The following FNDC8 variants were observed in gnomAD, a reference collection of about 807,000 sequenced individuals.
FNDC8 encodes the protein fibronectin type III domain-containing protein 8.
In FNDC8, 23 loss-of-function variants were observed where a neutral mutation model predicts 24.8. The ratio of observed to expected loss-of-function variants is 0.93; its 90% CI spans 0.67 to 1.31. FNDC8 has a LOEUF of 1.31. Ranked by LOEUF, FNDC8 falls within the 40% of genes most tolerant of loss-of-function variation. The pLI, the probability that FNDC8 is intolerant of heterozygous loss-of-function variation, is 0.00. For synonymous variants in FNDC8, 158 were observed against 165.3 expected, an observed-to-expected ratio of 0.96 and a Z score of 0.34; for missense variants, 371 against 398.2, an observed-to-expected ratio of 0.93 and a Z score of 0.58.
intron 1 of FNDC8, among the ~76,000 whole-genome samples, chr17:35,124,987 G>A (rs376701935): frequency 6.6e-6 from 1 of 151,298 alleles, no homozygotes; most frequent in East Asian, 1.9e-4. Context: ...GGCGGAGGTT[G>A]CAGTGAGTCG....
chr17:35,130,327 C>A lies in FNDC8; in HGVS notation c.868C>A (p.Pro290Thr), dbSNP rs1191792142. 9 of 1,613,982 alleles carry A rather than the reference C, an allele frequency of 5.6e-6. No individual in the cohort carries two copies. In the African/African-American group the frequency reaches 9.3e-5, roughly 17 times the overall value. ...CTTCAGCAGCTTTCCTGAGAACTACCCCATCCAGATCACCGTGCGGCGCAA... is the reference window on the plus strand; with the variant it reads ...CTTCAGCAGCTTTCCTGAGAACTACACCATCCAGATCACCGTGCGGCGCAA... ...TDFSSFPENYPIQITVRRKEP... is the reference protein window; with the variant it reads ...TDFSSFPENYTIQITVRRKEP... Residue 290 changes from proline (P) to threonine (T), a missense_variant, in exon 4 of 4, where the codon CCC (proline) becomes ACC (threonine). Physicochemically the swap from Pro to Thr is conservative, Grantham distance 38 (BLOSUM62 -1). Transcript: ENST00000158009.
intron 3 of FNDC8, 32 bp downstream of exon 3, chr17:35,129,690 TG>T (rs768979419): frequency 6.2e-7 from 1 of 1,602,382 alleles, no homozygotes; most frequent in South Asian, 1.1e-5. Context: ...GCCTTGGGGG[TG>T]GAGAGAAGTC....
Position 35,127,031 on chromosome 17 carries a change from T to C in FNDC8, c.210-11T>C. On this transcript the variant is annotated splice_polypyrimidine_tract_variant and intron_variant, in intron 1 of 3. Transcript: ENST00000158009. The stretch of plus-strand genomic sequence containing the variant: ...CTTCATCTGATTCACCTGTCTCCCC[T>C]TTTGCTCCAGGAAGCCGCTGCCAGT... 6.4e-7 allele frequency: 1 copy of C among 1,566,180 alleles called. No individual in the cohort carries two copies. Among genetic ancestry groups the C allele is most frequent in the Non-Finnish European group, 8.7e-7 (1 of 1,151,476 alleles).
At chr17:35,130,193 G>C in intron 3 of FNDC8, 89 bp from the exon 4 acceptor site, 1 of 1,529,936 alleles carries the variant, frequency 6.5e-7, no homozygotes, top group South Asian at 1.3e-5. Flanking sequence ...TGAGTCAGCA[G>C]ACAGAAAAAA....
intron 1 of FNDC8, among the ~76,000 whole-genome samples, chr17:35,122,183 TATATATATATATATATATATATATA>T (rs2091830516): frequency 3.9e-5 from 1 of 25,454 alleles, no homozygotes; most frequent in Non-Finnish European, 6.3e-5. Flanking sequence ...TATATATATA[TATATATATATATATATATATATATA>T]AATTTTTTTT....
In FNDC8 at chr17:35,127,191, A is replaced by G. The variant is rs374831830; in HGVS notation, c.359A>G (p.Lys120Arg). The G allele has an allele frequency of 2.7e-5, 44 of 1,614,078 alleles. No homozygotes were observed. The highest frequency in any genetic ancestry group is 3.5e-5 in the Non-Finnish European group (41 of 1,180,048). The change falls in exon 2 of 4, where the codon AAA becomes AGA. Residue 120 changes from lysine (K) to arginine (R), a missense_variant. By Grantham distance (26) the Lys-to-Arg change is conservative (BLOSUM62 2). Coordinates refer to ENST00000158009, the MANE Select transcript of FNDC8 (RefSeq NM_017559.4). ...FAGMLEGELN[K>R]LSFSPMAKNA... ...GGGATGCTGGAGGGGGAGCTGAACAAACTCAGCTTCTCCCCAATGGCCAAG... is the reference window on the plus strand; with the variant it reads ...GGGATGCTGGAGGGGGAGCTGAACAGACTCAGCTTCTCCCCAATGGCCAAG...
chr17:35,122,187 TATATATATATATATATATATAA>T (rs1325665410), intron 1 of FNDC8, among the ~76,000 whole-genome samples: 3 of 23,874 alleles, frequency 1.3e-4, no homozygotes, highest in African/African-American at 6.4e-4. Flanking sequence ...TATATATATA[TATATATATATATATATATATAA>T]ATTTTTTTTT....
At chr17:35,128,111 T>C (rs2142493537) in intron 2 of FNDC8, among the ~76,000 whole-genome samples, 2 of 152,340 alleles carry the variant, frequency 1.3e-5, no homozygotes, top group Non-Finnish European at 2.9e-5. Flanking sequence ...CTGTAAGTAA[T>C]AGGGAACAGC....
chr17:35,130,529 C>G lies in FNDC8; in HGVS notation c.*95C>G, dbSNP rs1384488159. The G allele has an allele frequency of 7.4e-7, 1 of 1,351,482 alleles. No homozygotes were observed. Among genetic ancestry groups the G allele is most frequent in the East Asian group, 2.4e-5 (1 of 41,986 alleles). The allele number at this position is 1,351,482 out of a possible 1,614,324, so 83.7% of individuals were successfully genotyped here. ...TGAGACCTACCATACCACCAGCACC[C>G]TGCGGGCCCGGGGTCTGGCAGAGTG... is the stretch of plus-strand genomic sequence containing the variant. On this transcript the variant is annotated 3_prime_UTR_variant, in exon 4 of 4. Transcript: ENST00000158009.
At chr17:35,122,654 C>G (rs752056710) in intron 1 of FNDC8, among the ~76,000 whole-genome samples, 1 of 152,156 alleles carries the variant, frequency 6.6e-6, no homozygotes, top group Non-Finnish European at 1.5e-5. Flanking sequence ...GTACCTTCAT[C>G]TACCTGACTG....
At chr17:35,123,283 G>T (rs2091837171) in intron 1 of FNDC8, among the ~76,000 whole-genome samples, 1 of 152,160 alleles carries the variant, frequency 6.6e-6, no homozygotes, top group Admixed American at 6.6e-5. Flanking sequence ...TATGTGAGAG[G>T]GATGTGGTGT....
rs368962664 is a variant in FNDC8 at position 35,127,390 on chromosome 17, G to C, written c.558G>C (p.Glu186Asp). The C allele has an allele frequency of 2.5e-6, 4 of 1,569,580 alleles. No individual in the cohort carries two copies. The African/African-American group carries it at 5.5e-5, about 21-fold the overall frequency. Residue 186 changes from glutamate (E) to aspartate (D), a missense_variant, in exon 2 of 4, where the codon GAG becomes GAC. Physicochemically the swap from Glu to Asp is conservative, Grantham distance 45. Coordinates refer to ENST00000158009, the MANE Select transcript of FNDC8 (RefSeq NM_017559.4). ...VDLPDTPFIF[E>D]HTVNNSTAVI... ...TGCCGGACACCCCCTTCATCTTTGA[G>C]CACACCGTCAACAATTCCACAGCTG...
At position 35,122,377 on chromosome 17, in the gene FNDC8, G is replaced by A. The variant is rs1447945002; in HGVS notation, c.209+475G>A. On this transcript the variant is annotated intron_variant, in intron 1 of 3. Coordinates refer to ENST00000158009, the MANE Select transcript of FNDC8 (RefSeq NM_017559.4). ...AGGCTGGAGCCGAGGGCTGGGCAGA[G>A]AGACAAAGAATCTATACTTCCCTGA... Among the ~76,000 whole-genome samples the A allele has an allele frequency of 6.0e-5, 9 of 151,168 alleles. No individual in the cohort carries two copies. The South Asian group carries it at 1.5e-3, about 25-fold the overall frequency.
At chr17:35,127,976 G>A (rs144007100) in intron 2 of FNDC8, among the ~76,000 whole-genome samples, 86 of 152,226 alleles carry the variant, frequency 5.6e-4, no homozygotes, top group African/African-American at 1.9e-3. Context: ...CTCCCCGTCC[G>A]CGGGCTACAC....
At position 35,126,497 on chromosome 17, in the gene FNDC8, C is replaced by CT. The variant is rs71147459; in HGVS notation, c.210-522dup. On this transcript the variant is annotated intron_variant, in intron 1 of 3. Coordinates refer to ENST00000158009, the MANE Select transcript of FNDC8 (RefSeq NM_017559.4). ...AACACTTGCATCAGGATTTTCTAAG[C>CT]TTTTTTTTTTTTTTTTTTTTTTTGA... Among the ~76,000 whole-genome samples the CT allele has an allele frequency of 9.1e-3, 1,021 of 111,726 alleles. 9 individuals carry two copies. The highest frequency in any genetic ancestry group is 0.015 in the Non-Finnish European group (815 of 54,886). 73.3% of individuals were successfully genotyped at this position (111,726 alleles called of 152,430 possible). A position where few individuals can be genotyped will look rare whatever the true frequency, so the allele number is the denominator to read the frequency against.
chr17:35,126,186 T>C (rs2091848506), intron 1 of FNDC8, among the ~76,000 whole-genome samples: 1 of 152,160 alleles, frequency 6.6e-6, no homozygotes, highest in Non-Finnish European at 1.5e-5. Context: ...CCTCCCAAAG[T>C]GCTGAGATTA....
rs200971445 is a variant in FNDC8 at position 35,129,660 on chromosome 17, T to G, written c.822+2T>G. 1 of 1,613,034 alleles carries G rather than the reference T, an allele frequency of 6.2e-7. No homozygotes were observed. The highest frequency in any genetic ancestry group is 1.1e-5 in the South Asian group (1 of 90,962). On this transcript the variant is annotated splice_donor_variant, in intron 3 of 3. Coordinates refer to ENST00000158009, the MANE Select transcript of FNDC8 (RefSeq NM_017559.4). LOFTEE classifies it high-confidence loss of function. ...GGGAAGTGGTGCAAGCCCTACAAAG[T>G]GAGCCCTGGGAAAAGAGGGGCCTTG...
chr17:35,124,767 G>T (rs2091842539), intron 1 of FNDC8, among the ~76,000 whole-genome samples: 1 of 152,018 alleles, frequency 6.6e-6, no homozygotes, highest in Admixed American at 6.6e-5. Flanking sequence ...TTTTTGTTTG[G>T]CTGGGGGCAG....
chr17:35,121,969 C>CCCTT (rs1316021924), intron 1 of FNDC8, 67 bp downstream of exon 1: 6 of 1,110,416 alleles, frequency 5.4e-6, no homozygotes, highest in Admixed American at 2.4e-5. Context: ...CTTCCTTCCT[C>CCCTT]CCTTCCTTCC....
Sources: allele counts gnomAD v4.1 joint callset (sites outside exome capture counted in the v4.1 genomes callset), GRCh38; gene constraint gnomAD v4.1.1; transcripts MANE v1.5; gene names NCBI Gene and HGNC (gene_info 2026-07-23, HGNC 2026-07-21).